Variants in SATB2 observed in about 807,000 individuals in gnomAD.
SATB2 encodes the protein SATB homeobox 2.
SATB2 carries 1 observed loss-of-function variant against 73.4 expected under a neutral mutation model. The observed-to-expected ratio is 0.01, with a 90% confidence interval of 0.00 to 0.06. The LOEUF (loss-of-function observed/expected upper bound fraction) is 0.06. SATB2 is among the 10% of genes least tolerant of loss of function. SATB2 has a pLI of 1.00. For missense variants in SATB2, 459 were observed against 945.8 expected, an observed-to-expected ratio of 0.49 and a Z score of 6.75; for synonymous variants, 397 against 367.0, an observed-to-expected ratio of 1.08 and a Z score of -0.93.
Position 199,308,276 on chromosome 2 carries a change from G to C in SATB2, c.1740+484C>G, listed in dbSNP as rs144277899. Among the ~76,000 whole-genome samples, 21 of 152,260 alleles carry C rather than the reference G, an allele frequency of 1.4e-4. No homozygotes were observed. In the East Asian group the frequency reaches 2.9e-3, roughly 21 times the overall value. On this transcript the variant is annotated intron_variant, in intron 10 of 10. Coordinates refer to ENST00000417098, the MANE Select transcript of SATB2 (RefSeq NM_001172509.2). This position sits in a 1 kb window ranked among gnomAD's most constrained non-coding sequence, Gnocchi z 4.6. ...AAATTCTAAGAATCTGTCACAATCT[G>C]TCTCTCAAGGTTCAGCTGAGTTCAA...
At chr2:199,465,011 G>A (rs1692566380) in exon 1 of SATB2, 1 of 152,218 alleles carries the variant, frequency 6.6e-6, no homozygotes, top group Non-Finnish European at 1.5e-5. Flanking sequence ...AATTTTACGA[G>A]GGGAACTTTT....
rs1489802549 is a variant in SATB2 at position 199,308,503 on chromosome 2, CT to C, written c.1740+256del. ...AAGTAAAATGATCTCAGGAAAGCAG[CT>C]GTCTTTGGCATTCAACTTCTCAGTC... On this transcript the variant is annotated intron_variant, in intron 10 of 10. Transcript: ENST00000417098. The surrounding 1 kb of genome is among the most constrained non-coding windows in gnomAD (Gnocchi z 4.6). 6.6e-6 allele frequency among the ~76,000 whole-genome samples: 1 copy of C among 152,140 alleles called. No individual in the cohort carries two copies. Among genetic ancestry groups the C allele is most frequent in the African/African-American group, 2.4e-5 (1 of 41,432 alleles).
chr2:199,412,875 A>G (rs1389949239), intron 3 of SATB2, among the ~76,000 whole-genome samples: 6 of 152,220 alleles, frequency 3.9e-5, no homozygotes, highest in African/African-American at 1.4e-4. Flanking sequence ...GTAGCTAACT[A>G]TTTATCAGGA....
chr2:199,334,419 C>G (rs1688277067), intron 7 of SATB2, among the ~76,000 whole-genome samples: 1 of 152,006 alleles, frequency 6.6e-6, no homozygotes, highest in Non-Finnish European at 1.5e-5. Flanking sequence ...GTGTCATAAC[C>G]AATTAGTAAA....
intron 9 of SATB2, among the ~76,000 whole-genome samples, chr2:199,323,508 C>CACATAT (rs372830951): frequency 7.9e-4 from 114 of 144,352 alleles, no homozygotes; most frequent in Admixed American, 2.0e-3. Flanking sequence ...CACACACACA[C>CACATAT]ATATATAAAG....
intron 1 of SATB2, 130 bp from the exon 2 acceptor site, chr2:199,456,226 C>T (rs1027490636): frequency 3.0e-6 from 2 of 670,494 alleles, no homozygotes; most frequent in Non-Finnish European, 5.2e-6. Flanking sequence ...CCACGCTGCC[C>T]GAGGGGCCCG....
rs773036691 is a variant in SATB2, at chr2:199,272,364, C to A, written c.2049G>T (p.Ala683=). Residue 683 remains alanine (A), a synonymous_variant, in exon 11 of 11, where the codon GCG becomes GCT. Coordinates refer to ENST00000417098, the MANE Select transcript of SATB2 (RefSeq NM_001172509.2). This position sits in a 1 kb window ranked among gnomAD's most constrained non-coding sequence, Gnocchi z 6.7. ...CGTCCTTATATTCAGCCACGTCCAC[C>A]GCGGAGCCCAGGTGCTCTTTCAGCT... ...HGKLKEHLGS[A]VDVAEYKDEE... The A allele has an allele frequency of 1.2e-6, 2 of 1,614,172 alleles. No individual in the cohort carries two copies. Among genetic ancestry groups the A allele is most frequent in the Non-Finnish European group, 1.7e-6 (2 of 1,180,038 alleles).
chr2:199,336,943 G>A (rs1411455563), intron 7 of SATB2, among the ~76,000 whole-genome samples: 3 of 152,124 alleles, frequency 2.0e-5, no homozygotes, highest in African/African-American at 4.8e-5. Flanking sequence ...CCCTTATAGG[G>A]TCCCCTAGAG....
chr2:199,381,666 G>C (rs1207906112), intron 4 of SATB2, 28 bp downstream of exon 4: 2 of 1,613,614 alleles, frequency 1.2e-6, no homozygotes, highest in Admixed American at 1.7e-5. Context: ...CTGACAGTAA[G>C]GAAAAGCAGA....
At chr2:199,430,965 G>A (rs1316601648) in intron 3 of SATB2, among the ~76,000 whole-genome samples, 1 of 152,186 alleles carries the variant, frequency 6.6e-6, no homozygotes, top group Non-Finnish European at 1.5e-5. Context: ...TTGCAGTTTA[G>A]TTCTGCCCAA....
At chr2:199,298,142 C>T (rs1296431357) in intron 10 of SATB2, among the ~76,000 whole-genome samples, 1 of 152,194 alleles carries the variant, frequency 6.6e-6, no homozygotes. Context: ...AAGATTAATA[C>T]TAATAACGCT....
chr2:199,371,099 A>T (rs1007007972), intron 5 of SATB2, among the ~76,000 whole-genome samples: 1 of 152,170 alleles, frequency 6.6e-6, no homozygotes, highest in African/African-American at 2.4e-5. Context: ...GTTTTTACTG[A>T]TAAGAATTGT....
chr2:199,403,796 G>A (rs1280150174), intron 3 of SATB2, among the ~76,000 whole-genome samples: 4 of 152,236 alleles, frequency 2.6e-5, no homozygotes, highest in Admixed American at 6.5e-5. Flanking sequence ...CAAAGTGGCT[G>A]GATTGGAACA....
chr2:199,319,954 G>A (rs11686971), intron 9 of SATB2, among the ~76,000 whole-genome samples: 95,404 of 151,934 alleles, frequency 0.63, 32,807 homozygotes, highest in Non-Finnish European at 0.77. Flanking sequence ...CCTGAGAGCC[G>A]CAGAAGATGT....
At chr2:199,382,110 A>C (rs562999745) in intron 3 of SATB2, among the ~76,000 whole-genome samples, 2 of 152,286 alleles carry the variant, frequency 1.3e-5, no homozygotes, top group East Asian at 3.9e-4. Flanking sequence ...TCCCCCCAGA[A>C]TTGTTTCACA....
intron 7 of SATB2, among the ~76,000 whole-genome samples, chr2:199,335,327 A>G (rs1045078462): frequency 1.3e-5 from 2 of 152,204 alleles, no homozygotes; most frequent in Non-Finnish European, 2.9e-5. Flanking sequence ...TGCATATACA[A>G]AAGTAACATT....
Position 199,349,083 on chromosome 2 carries a change from A to T in SATB2, c.791T>A (p.Leu264Gln). Residue 264 changes from leucine (L) to glutamine (Q), a missense_variant, in exon 7 of 11, where the codon CTG becomes CAG. By Grantham distance (113) the Leu-to-Gln change is moderately radical. Transcript: ENST00000417098. ...HLPNMNQLAS[L>Q]GKTNEQSPHS... ...AGGAGACTGTTCGTTGGTTTTCCCCAGGGATGCCAGCTGGTTCATATTTGG... is the reference window on the plus strand; with the variant it reads ...AGGAGACTGTTCGTTGGTTTTCCCCTGGGATGCCAGCTGGTTCATATTTGG... 1 of 1,614,096 alleles carries T rather than the reference A, an allele frequency of 6.2e-7. No individual in the cohort carries two copies. The highest frequency in any genetic ancestry group is 8.5e-7 in the Non-Finnish European group (1 of 1,179,964).
rs900689405 is a variant in SATB2, at chr2:199,320,630, C to G, written c.1542+3173G>C. Among the ~76,000 whole-genome samples the G allele has an allele frequency of 5.3e-5, 8 of 152,232 alleles. No homozygotes were observed. The East Asian group carries it at 1.5e-3, about 29-fold the overall frequency. ...ACTAGGGAAACATATACACACACTT[C>G]CCAGTAATGGATTTTCACAATGAAC... On this transcript the variant is annotated intron_variant, in intron 9 of 10. Coordinates refer to ENST00000417098, the MANE Select transcript of SATB2 (RefSeq NM_001172509.2).
intron 9 of SATB2, among the ~76,000 whole-genome samples, chr2:199,315,717 A>C (rs1191072089): frequency 6.6e-6 from 1 of 152,136 alleles, no homozygotes; most frequent in East Asian, 1.9e-4. Context: ...AGCACTAAAC[A>C]CAAGTTCATA....
Sources: gnomAD v4.1 joint callset for allele counts (sites outside exome capture counted in the v4.1 genomes callset) on GRCh38, gnomAD v4.1.1 for gene constraint, Gnocchi (gnomAD v3.1) non-coding constraint, MANE v1.5 for transcripts, NCBI Gene and HGNC (gene_info 2026-07-23, HGNC 2026-07-21) for gene names.